Variants in MTTP observed in about 807,000 individuals in gnomAD.
MTTP encodes microsomal triglyceride transfer protein.
In MTTP, 49 loss-of-function variants were observed where a neutral mutation model predicts 90.6. The ratio of observed to expected loss-of-function variants is 0.54; its 90% CI spans 0.43 to 0.69. The LOEUF (loss-of-function observed/expected upper bound fraction) is 0.69, where lower values mean the gene tolerates loss of function less well. Among genes scored for constraint, MTTP ranks in the 30% least tolerant of loss-of-function variants. MTTP has a pLI of 0.00. For synonymous variants in MTTP, 347 were observed against 384.2 expected (o/e 0.90, Z 1.13); for missense variants, 945 against 1,067.5 (o/e 0.89, Z 1.60).
intron 8 of MTTP, among the ~76,000 whole-genome samples, chr4:99,598,651 G>GTAT (rs1218276836): frequency 9.2e-6 from 1 of 108,506 alleles, no homozygotes; most frequent in African/African-American, 4.0e-5. Context: ...CTTCAAGGAA[G>GTAT]TCTTTTTTTT....
chr4:99,618,222 A>G (rs959427461), intron 15 of MTTP, among the ~76,000 whole-genome samples: 1 of 152,158 alleles, frequency 6.6e-6, no homozygotes, highest in Non-Finnish European at 1.5e-5. Flanking sequence ...CTTTTTATAT[A>G]AGGGACTTGA....
chr4:99,571,115 C>G (rs1279429359), upstream of MTTP, among the ~76,000 whole-genome samples: 1 of 151,916 alleles, frequency 6.6e-6, no homozygotes, highest in Non-Finnish European at 1.5e-5. Flanking sequence ...ACCACTCACT[C>G]TATCCTCTAT....
At chr4:99,578,619 C>A (rs550367034) in intron 1 of MTTP, among the ~76,000 whole-genome samples, 2 of 152,026 alleles carry the variant, frequency 1.3e-5, no homozygotes, top group Non-Finnish European at 2.9e-5. Context: ...ATTATATGGC[C>A]AGTAAAGTAG....
chr4:99,574,594 G>A (rs1369583040), upstream of MTTP: 2 of 471,704 alleles, frequency 4.2e-6, no homozygotes, highest in Non-Finnish European at 7.7e-6. Context: ...CAGTACTTCT[G>A]CATTTATAGG....
Position 99,588,760 on chromosome 4 carries a change from CAT to C in MTTP, c.394-874_394-873del, listed in dbSNP as rs10598153. 7.5e-3 allele frequency among the ~76,000 whole-genome samples: 647 copies of C among 86,116 alleles called. 21 individuals carry two copies. Among genetic ancestry groups the C allele is most frequent in the Non-Finnish European group, 0.01 (491 of 48,214 alleles). 56.5% of individuals were successfully genotyped at this position (86,116 alleles called of 152,430 possible). A position where few individuals can be genotyped will look rare whatever the true frequency, so the allele number is the denominator to read the frequency against. Reference sequence around the variant, plus strand: ...ATATATATGTTCATATATATACACACATATATATATGTTCATATATATACACA... The same window carrying C: ...ATATATATGTTCATATATATACACACATATATATGTTCATATATATACACA... On this transcript the variant is annotated intron_variant, in intron 3 of 17. Transcript: ENST00000265517.
At chr4:99,582,813 C>A (rs1194122848) in intron 2 of MTTP, among the ~76,000 whole-genome samples, 2 of 152,118 alleles carry the variant, frequency 1.3e-5, no homozygotes, top group African/African-American at 4.8e-5. Flanking sequence ...GGTGTCATAG[C>A]AATACATTTA....
intron 1 of MTTP, among the ~76,000 whole-genome samples, chr4:99,568,595 A>C (rs1724761030): frequency 6.6e-6 from 1 of 152,150 alleles, no homozygotes; most frequent in Non-Finnish European, 1.5e-5. Context: ...ACAGTTCTTC[A>C]ATAAAGGAAA....
At chr4:99,568,380 CTTGAAA>C (rs1246689778) in intron 1 of MTTP, among the ~76,000 whole-genome samples, 1 of 152,018 alleles carries the variant, frequency 6.6e-6, no homozygotes, top group Non-Finnish European at 1.5e-5. Context: ...AGAACTGGAA[CTTGAAA>C]TTAAAAAGAA....
At chr4:99,610,992 C>G (rs1369990358) in intron 12 of MTTP, 151 bp from the exon 13 acceptor site, 2 of 743,738 alleles carry the variant, frequency 2.7e-6, no homozygotes, top group Admixed American at 4.3e-5. Context: ...CTGATGCTAC[C>G]ACGCCAGCTG....
intron 8 of MTTP, among the ~76,000 whole-genome samples, chr4:99,600,267 T>A (rs941322633): frequency 6.6e-6 from 1 of 152,202 alleles, no homozygotes; most frequent in Admixed American, 6.5e-5. Context: ...TGTATTTATA[T>A]AATTTTTACT....
At chr4:99,614,597 C>G (rs1439919497) in intron 15 of MTTP, among the ~76,000 whole-genome samples, 1 of 152,160 alleles carries the variant, frequency 6.6e-6, no homozygotes, top group Non-Finnish European at 1.5e-5. Context: ...TCATCAGAAT[C>G]CAAGCTGCCT....
At position 99,588,930 on chromosome 4, in the gene MTTP, T is replaced by C. The variant is rs867145141; in HGVS notation, c.394-713T>C. ...ATATATGTTCATATATATACACACA[T>C]ATATATATGTTCATATATATACACA... On this transcript the variant is annotated intron_variant, in intron 3 of 17. Transcript: ENST00000265517. Among the ~76,000 whole-genome samples the C allele has an allele frequency of 9.9e-4, 17 of 17,134 alleles. 1 individual carries two copies. In the East Asian group the frequency reaches 0.012, roughly 12 times the overall value. The allele number at this position is 17,134 out of a possible 152,430, so 11.2% of individuals were successfully genotyped here.
At chr4:99,589,511 A>G (rs956550172) in intron 3 of MTTP, 132 bp from the exon 4 acceptor site, 3 of 674,410 alleles carry the variant, frequency 4.4e-6, no homozygotes, top group East Asian at 5.6e-5. Flanking sequence ...AGGAAATTCC[A>G]GATTTGGAGT....
intron 1 of MTTP, among the ~76,000 whole-genome samples, chr4:99,578,790 T>C (rs576051811): frequency 6.6e-5 from 10 of 152,340 alleles, no homozygotes; most frequent in African/African-American, 2.4e-4. Flanking sequence ...ATCTGCATTA[T>C]ATTTGCTATG....
At chr4:99,579,704 A>C (rs977908199) in intron 1 of MTTP, among the ~76,000 whole-genome samples, 3 of 152,176 alleles carry the variant, frequency 2.0e-5, no homozygotes, top group African/African-American at 7.2e-5. Context: ...TACAAAGGGT[A>C]GAAAATTTAC....
At chr4:99,575,008 A>G (rs1724922288) in intron 1 of MTTP, 38 bp downstream of exon 1, 1 of 1,608,452 alleles carries the variant, frequency 6.2e-7, no homozygotes, top group Non-Finnish European at 8.5e-7. Flanking sequence ...TTTAATTTCC[A>G]TCTTTGGAGT....
intron 8 of MTTP, among the ~76,000 whole-genome samples, chr4:99,597,574 T>C (rs370508453): frequency 1.2e-4 from 19 of 152,292 alleles, no homozygotes; most frequent in African/African-American, 4.6e-4. Context: ...CCTCATGCTG[T>C]TAATTGACAC....
At chr4:99,598,304 A>G (rs1267131999) in intron 8 of MTTP, among the ~76,000 whole-genome samples, 2 of 152,172 alleles carry the variant, frequency 1.3e-5, no homozygotes. Flanking sequence ...TATTTTTTAT[A>G]TTTTTAAGAT....
chr4:99,575,036 G>T (rs1419013975), intron 1 of MTTP, 66 bp downstream of exon 1: 1 of 1,450,878 alleles, frequency 6.9e-7, no homozygotes, highest in Non-Finnish European at 9.7e-7. Flanking sequence ...AGATACGTGC[G>T]TGTGTGTGTG....
Sources: gnomAD v4.1 joint callset for allele counts (sites outside exome capture counted in the v4.1 genomes callset) on GRCh38, gnomAD v4.1.1 for gene constraint, MANE v1.5 for transcripts, NCBI Gene and HGNC (gene_info 2026-07-23, HGNC 2026-07-21) for gene names.